Variants in ERCC6L2 observed in about 807,000 individuals in gnomAD.
ERCC6L2 encodes DNA excision repair protein ERCC-6-like 2.
In ERCC6L2, 77 loss-of-function variants were observed where a neutral mutation model predicts 132.0. That is an observed-to-expected ratio of 0.58 (90% CI 0.49 to 0.71). The LOEUF (loss-of-function observed/expected upper bound fraction) is 0.71. Among genes scored for constraint, ERCC6L2 ranks in the 30% least tolerant of loss-of-function variants. ERCC6L2 has a pLI of 0.00. For synonymous variants in ERCC6L2, 583 were observed against 632.4 expected (o/e 0.92, Z 1.17); for missense variants, 1,542 against 1,837.6 (o/e 0.84, Z 2.94).
intron 17 of ERCC6L2, among the ~76,000 whole-genome samples, chr9:95,988,843 A>G (rs564714678): frequency 2.4e-4 from 37 of 152,350 alleles, no homozygotes; most frequent in African/African-American, 7.5e-4. Flanking sequence ...TTGAACACTC[A>G]GTCCCACAAG....
chr9:95,955,895 AT>A lies in ERCC6L2; in HGVS notation c.1848-14del. The A allele has an allele frequency of 6.7e-7, 1 of 1,493,288 alleles. No homozygotes were observed. The highest frequency in any genetic ancestry group is 9.0e-7 in the Non-Finnish European group (1 of 1,109,208). The allele number at this position is 1,493,288 out of a possible 1,614,324, so 92.5% of individuals were successfully genotyped here. A position where few individuals can be genotyped will look rare whatever the true frequency, so the allele number is the denominator to read the frequency against. Reference sequence around the variant, plus strand: ...GTTGCTTCACTTGATTTTTGTTTGTATTTTTAATCCTTTTACAGAGCATATA... The same window carrying A: ...GTTGCTTCACTTGATTTTTGTTTGTATTTTAATCCTTTTACAGAGCATATA... On this transcript the variant is annotated intron_variant, in intron 12 of 18. Transcript: ENST00000653738.
At chr9:96,036,845 C>T (rs1377213741) in intron 19 of ERCC6L2, among the ~76,000 whole-genome samples, 1 of 147,782 alleles carries the variant, frequency 6.8e-6, no homozygotes, top group Non-Finnish European at 1.5e-5. Context: ...CGGCTCACTG[C>T]AAGCTCCGCC....
intron 5 of ERCC6L2, 89 bp downstream of exon 5, chr9:95,915,918 A>C (rs1406772777): frequency 8.5e-6 from 11 of 1,296,674 alleles, no homozygotes; most frequent in Non-Finnish European, 1.2e-5. Flanking sequence ...CAAACAAACG[A>C]AACAGTCATT....
rs140700939 is a variant in ERCC6L2 at position 95,903,325 on chromosome 9, G to A, written c.595-3753G>A. 1.1e-3 allele frequency among the ~76,000 whole-genome samples: 173 copies of A among 152,028 alleles called. No individual in the cohort carries two copies. The Middle Eastern group carries it at 0.02, about 18-fold the overall frequency. On this transcript the variant is annotated intron_variant, in intron 3 of 18. Transcript: ENST00000653738. The stretch of plus-strand genomic sequence containing the variant: ...TAATTATTTGTTCATTTCTCTTCCA[G>A]TGCTAAACAGTTTTAGTTATTTTAG...
chr9:95,907,838 C>CAAACACACACACACACACACACAA (rs1829131134), intron 4 of ERCC6L2, among the ~76,000 whole-genome samples: 6 of 117,576 alleles, frequency 5.1e-5, no homozygotes, highest in Non-Finnish European at 1.1e-4. Context: ...CACACACACA[C>CAAACACACACACACACACACACAA]ACACACACAC....
chr9:95,991,175 C>A (rs930705861), intron 17 of ERCC6L2, among the ~76,000 whole-genome samples: 1 of 152,006 alleles, frequency 6.6e-6, no homozygotes, highest in Non-Finnish European at 1.5e-5. Flanking sequence ...GGTGGAAAAA[C>A]GGGGTCAGCT....
rs1283660810 is a variant in ERCC6L2 at position 96,017,832 on chromosome 9, G to A, written c.*4629G>A. On this transcript the variant is annotated 3_prime_UTR_variant, in exon 19 of 19. Coordinates refer to ENST00000653738, the MANE Select transcript of ERCC6L2 (RefSeq NM_020207.7). Reference sequence around the variant, plus strand: ...GTTCATAGTGGCATTATTCACAATGGCTACAACACGAAGAAAGCATTCCAA... The same window carrying A: ...GTTCATAGTGGCATTATTCACAATGACTACAACACGAAGAAAGCATTCCAA... Among the ~76,000 whole-genome samples the A allele has an allele frequency of 6.6e-6, 1 of 152,168 alleles. No homozygotes were observed. The highest frequency in any genetic ancestry group is 2.4e-5 in the African/African-American group (1 of 41,438).
At chr9:95,984,212 A>G (rs1315627451) in intron 17 of ERCC6L2, among the ~76,000 whole-genome samples, 3 of 149,506 alleles carry the variant, frequency 2.0e-5, no homozygotes, top group Non-Finnish European at 4.4e-5. Flanking sequence ...TAACATGTAT[A>G]TGGATAAAGT....
intron 19 of ERCC6L2, chr9:96,026,009 G>A (rs1353395456): frequency 6.6e-6 from 1 of 152,438 alleles, no homozygotes; most frequent in Non-Finnish European, 1.5e-5. Flanking sequence ...AGAGCAAAGA[G>A]AAGTCATGAG....
intron 17 of ERCC6L2, among the ~76,000 whole-genome samples, chr9:95,998,022 A>G (rs901582589): frequency 6.6e-6 from 1 of 152,246 alleles, no homozygotes; most frequent in African/African-American, 2.4e-5. Context: ...TCAAAAGACA[A>G]GAATATTCGA....
chr9:95,924,520 C>A (rs973769390), intron 9 of ERCC6L2, among the ~76,000 whole-genome samples: 2 of 152,022 alleles, frequency 1.3e-5, no homozygotes, highest in African/African-American at 4.8e-5. Context: ...TGAGCACTTA[C>A]TATCCCACAG....
At chr9:95,931,808 T>G (rs1341943325) in intron 11 of ERCC6L2, among the ~76,000 whole-genome samples, 1 of 150,864 alleles carries the variant, frequency 6.6e-6, no homozygotes, top group African/African-American at 2.4e-5. Flanking sequence ...CATTTTTTTG[T>G]GCTGGGTACA....
intron 18 of ERCC6L2, among the ~76,000 whole-genome samples, chr9:96,011,208 G>T (rs1834016263): frequency 6.6e-6 from 1 of 152,208 alleles, no homozygotes; most frequent in Non-Finnish European, 1.5e-5. Context: ...TCAGTTTCTG[G>T]TGAGGGCCCT....
At chr9:95,987,277 A>G (rs1833131819) in intron 17 of ERCC6L2, among the ~76,000 whole-genome samples, 1 of 152,242 alleles carries the variant, frequency 6.6e-6, no homozygotes, top group African/African-American at 2.4e-5. Context: ...TCATTTCAGC[A>G]TTAATTCAAA....
At chr9:95,974,722 T>TTGTGTGTGTGTGTG (rs139478214) in intron 16 of ERCC6L2, among the ~76,000 whole-genome samples, 5 of 149,702 alleles carry the variant, frequency 3.3e-5, no homozygotes, top group Admixed American at 1.3e-4. Context: ...GTGGCCAGAT[T>TTGTGTGTGTGTGTG]TGTGTGTGTG....
intron 17 of ERCC6L2, 68 bp downstream of exon 17, chr9:95,978,283 C>T: frequency 9.2e-7 from 1 of 1,087,246 alleles, no homozygotes; most frequent in South Asian, 1.5e-5. Context: ...TCAATAGGAT[C>T]TTCTCTAAGT....
chr9:95,879,720 A>G (rs1827489091), intron 1 of ERCC6L2, among the ~76,000 whole-genome samples: 1 of 152,230 alleles, frequency 6.6e-6, no homozygotes, highest in Non-Finnish European at 1.5e-5. Flanking sequence ...TTAAGGAACA[A>G]CTGATGGATG....
intron 13 of ERCC6L2, among the ~76,000 whole-genome samples, chr9:95,958,665 C>T (rs1037996025): frequency 3.3e-5 from 5 of 152,010 alleles, no homozygotes; most frequent in African/African-American, 1.2e-4. Flanking sequence ...AGCTGATAAG[C>T]AACTTCAGCA....
At chr9:95,948,103 T>C (rs539762733) in intron 12 of ERCC6L2, among the ~76,000 whole-genome samples, 1 of 152,354 alleles carries the variant, frequency 6.6e-6, no homozygotes, top group East Asian at 1.9e-4. Flanking sequence ...ATTTCTCTGA[T>C]GGATCTGGTC....
Sources: gnomAD v4.1 joint callset for allele counts (sites outside exome capture counted in the v4.1 genomes callset) on GRCh38, gnomAD v4.1.1 for gene constraint, MANE v1.5 for transcripts, NCBI Gene and HGNC (gene_info 2026-07-23, HGNC 2026-07-21) for gene names.